Variants in CREB3L2 observed in about 807,000 individuals in gnomAD.
CREB3L2 encodes the protein cAMP responsive element binding protein 3 like 2, also known as cyclic AMP-responsive element-binding protein 3-like protein 2.
Under a neutral mutation model 57.2 loss-of-function variants are expected in CREB3L2, and 23 were observed. The ratio of observed to expected loss-of-function variants is 0.40; its 90% CI spans 0.29 to 0.57. The LOEUF is 0.57. Among genes scored for constraint, CREB3L2 ranks in the 20% least tolerant of loss-of-function variants. The probability of loss-of-function intolerance (pLI) is 0.42; values close to 1 mark genes in which losing one functional copy is unlikely to be tolerated. For missense variants in CREB3L2, 628 were observed against 634.7 expected (o/e 0.99, Z 0.11); for synonymous variants, 268 against 265.1 (o/e 1.01, Z -0.11).
intron 1 of CREB3L2, among the ~76,000 whole-genome samples, chr7:137,970,129 C>T (rs1585666652): frequency 6.6e-6 from 1 of 152,194 alleles, no homozygotes; most frequent in South Asian, 2.1e-4. Flanking sequence ...TTAACCTCTT[C>T]AAGCCGCAGT....
Position 137,922,370 on chromosome 7 carries a change from CTATATATATATATGTATATA to C in CREB3L2, c.319+5760_319+5779del, listed in dbSNP as rs1422907469. On this transcript the variant is annotated intron_variant, in intron 2 of 11. Coordinates refer to ENST00000330387, the MANE Select transcript of CREB3L2 (RefSeq NM_194071.4). ...CCTGTATCAGATACTTTCTGGTTTA[CTATATATATATATGTATATA>C]TATATATATATATATATATATATAT... Among the ~76,000 whole-genome samples the C allele has an allele frequency of 2.8e-3, 283 of 100,740 alleles. 3 individuals carry two copies. The highest frequency in any genetic ancestry group is 0.012 in the African/African-American group (264 of 22,448). 66.1% of individuals were successfully genotyped at this position (100,740 alleles called of 152,430 possible).
intron 1 of CREB3L2, 104 bp from the exon 2 acceptor site, chr7:137,928,470 C>G (rs1266742010): frequency 4.7e-6 from 4 of 859,162 alleles, no homozygotes; most frequent in Non-Finnish European, 7.6e-6. Flanking sequence ...TATGAAGTCC[C>G]TTCTACACAC....
chr7:137,898,406 T>G lies in CREB3L2; in HGVS notation c.1043+2948A>C, dbSNP rs575249634. On this transcript the variant is annotated intron_variant, in intron 8 of 11. Coordinates refer to ENST00000330387, the MANE Select transcript of CREB3L2 (RefSeq NM_194071.4). ...GCATATAACCCAGCAATCCCTCTGC[T>G]GGTATATACCCAAAGACAATGAAAT... 6.6e-5 allele frequency among the ~76,000 whole-genome samples: 10 copies of G among 152,348 alleles called. No homozygotes were observed. In the South Asian group the frequency reaches 2.1e-3, roughly 32 times the overall value.
At chr7:137,994,139 A>G (rs1020953249) in intron 1 of CREB3L2, among the ~76,000 whole-genome samples, 15 of 152,156 alleles carry the variant, frequency 9.9e-5, no homozygotes, top group African/African-American at 3.1e-4. Context: ...CACTCATAAG[A>G]TCACTCATTT....
chr7:137,951,683 T>C (rs1159972406), intron 1 of CREB3L2, among the ~76,000 whole-genome samples: 1 of 152,128 alleles, frequency 6.6e-6, no homozygotes, highest in Admixed American at 6.5e-5. Flanking sequence ...AAAAAGACTG[T>C]AAGAAACACA....
At chr7:137,937,408 C>T (rs1004839988) in intron 1 of CREB3L2, among the ~76,000 whole-genome samples, 2 of 152,230 alleles carry the variant, frequency 1.3e-5, no homozygotes, top group South Asian at 4.1e-4. Context: ...CACCCTCCCT[C>T]CTCCCCTTGC....
chr7:137,956,717 G>A (rs920219055), intron 1 of CREB3L2: 4 of 1,098,706 alleles, frequency 3.6e-6, no homozygotes, highest in East Asian at 5.8e-5. Flanking sequence ...CACAATCCAG[G>A]TTCTGAATTC....
At chr7:137,943,143 A>G (rs775045481) in intron 1 of CREB3L2, among the ~76,000 whole-genome samples, 25 of 152,270 alleles carry the variant, frequency 1.6e-4, no homozygotes, top group Admixed American at 3.9e-4. Flanking sequence ...CTCTTTTGTT[A>G]GGAAATAAAA....
intron 11 of CREB3L2, 105 bp downstream of exon 11, chr7:137,882,307 A>T (rs1375081932): frequency 1.3e-6 from 1 of 796,908 alleles, no homozygotes; most frequent in African/African-American, 1.7e-5. Flanking sequence ...GAGCTGAGGG[A>T]CTGAACCAGG....
intron 4 of CREB3L2, among the ~76,000 whole-genome samples, chr7:137,909,143 G>A (rs1475434172): frequency 6.6e-6 from 1 of 152,192 alleles, no homozygotes; most frequent in Non-Finnish European, 1.5e-5. Context: ...GTTTGTTTCT[G>A]GAGCAATGTG....
intron 1 of CREB3L2, among the ~76,000 whole-genome samples, chr7:137,970,737 G>A (rs911574857): frequency 2.0e-5 from 3 of 152,190 alleles, no homozygotes; most frequent in African/African-American, 7.2e-5. Flanking sequence ...CTGGCAGTGT[G>A]GCCCAGACAG....
chr7:137,928,316 G>C lies in CREB3L2; in HGVS notation c.153C>G (p.Leu51=). 2 of 1,614,160 alleles carry C rather than the reference G, an allele frequency of 1.2e-6. No individual in the cohort carries two copies. Among genetic ancestry groups the C allele is most frequent in the Non-Finnish European group, 1.7e-6 (2 of 1,180,030 alleles). The change falls in exon 2 of 12, where the codon CTC becomes CTG. Residue 51 remains leucine, a synonymous_variant. Coordinates refer to ENST00000330387, the MANE Select transcript of CREB3L2 (RefSeq NM_194071.4). ...DEFSQNVLGQ[L]LNDPFLSEKS... ...TCTCTGAGAGGAAAGGATCATTCAG[G>C]AGCTGACCCAAGACGTTCTGGGAAA...
intron 4 of CREB3L2, among the ~76,000 whole-genome samples, chr7:137,910,729 C>T (rs544284175): frequency 6.6e-6 from 1 of 152,194 alleles, no homozygotes; most frequent in South Asian, 2.1e-4. Context: ...GCAGAGGGCA[C>T]CCCACAAAAG....
At chr7:137,922,459 C>CGCAT (rs1800346173) in intron 2 of CREB3L2, 4 of 106,288 alleles carry the variant, frequency 3.8e-5, no homozygotes, top group African/African-American at 2.1e-4. Context: ...TATATACACA[C>CGCAT]ATATATATAT....
At position 137,880,407 on chromosome 7, in the gene CREB3L2, T is replaced by C; in HGVS notation, c.*69A>G. The C allele has an allele frequency of 7.8e-7, 1 of 1,285,120 alleles. No homozygotes were observed. Among genetic ancestry groups the C allele is most frequent in the African/African-American group, 1.5e-5 (1 of 68,404 alleles). 79.6% of individuals were successfully genotyped at this position (1,285,120 alleles called of 1,614,324 possible). A position where few individuals can be genotyped will look rare whatever the true frequency, so the allele number is the denominator to read the frequency against. ...AGATCCAGTGGCAAAGAGGAAAAGC[T>C]GATGACAAAGGTGGTTTGGGGATGT... is the stretch of plus-strand genomic sequence containing the variant. On this transcript the variant is annotated 3_prime_UTR_variant, in exon 12 of 12. Transcript: ENST00000330387. This position sits in a 1 kb window ranked among gnomAD's most constrained non-coding sequence, Gnocchi z 4.0.
intron 10 of CREB3L2, chr7:137,884,746 G>A: frequency 1.3e-5 from 8 of 610,848 alleles, no homozygotes; most frequent in East Asian, 2.7e-5. Flanking sequence ...AATGGATCAG[G>A]GAACACAGTC....
In CREB3L2 at chr7:137,879,266, T is replaced by C. The variant is rs1799231682; in HGVS notation, c.*1210A>G. On this transcript the variant is annotated 3_prime_UTR_variant, in exon 12 of 12. Transcript: ENST00000330387. ...CAAACCTGACTACCAAAGGTAAGAATGTGGATACACAAATGTCACCTACCC... is the reference window on the plus strand; with the variant it reads ...CAAACCTGACTACCAAAGGTAAGAACGTGGATACACAAATGTCACCTACCC... 4 of 535,474 alleles carry C rather than the reference T, an allele frequency of 7.5e-6. No individual in the cohort carries two copies. Among genetic ancestry groups the C allele is most frequent in the Non-Finnish European group, 1.5e-5 (4 of 275,718 alleles). 33.2% of individuals were successfully genotyped at this position (535,474 alleles called of 1,614,324 possible).
chr7:137,977,541 T>G (rs191348594), intron 1 of CREB3L2, among the ~76,000 whole-genome samples: 1 of 152,258 alleles, frequency 6.6e-6, no homozygotes, highest in East Asian at 1.9e-4. Context: ...AAAATTAATT[T>G]CATTTTGAAG....
At chr7:137,903,444 C>T (rs1050453537) in intron 7 of CREB3L2, among the ~76,000 whole-genome samples, 2 of 151,522 alleles carry the variant, frequency 1.3e-5, no homozygotes, top group African/African-American at 4.9e-5. Context: ...CCTGATATTA[C>T]AGACTTTTCA....
Sources: gnomAD v4.1 joint callset for allele counts (sites outside exome capture counted in the v4.1 genomes callset) on GRCh38, gnomAD v4.1.1 for gene constraint, Gnocchi (gnomAD v3.1) non-coding constraint, MANE v1.5 for transcripts, NCBI Gene and HGNC (gene_info 2026-07-23, HGNC 2026-07-21) for gene names.